NCALD: variants seen among roughly 807,000 people sequenced by gnomAD.
NCALD encodes neurocalcin delta, also known as neurocalcin-delta.
In NCALD, 10 loss-of-function variants were observed where a neutral mutation model predicts 18.6. That is an observed-to-expected ratio of 0.54 (90% CI 0.33 to 0.91). The LOEUF is 0.91. Among genes scored for constraint, NCALD ranks in the 40% least tolerant of loss-of-function variants. The pLI, the probability that NCALD is intolerant of heterozygous loss-of-function variation, is 0.03. For missense variants in NCALD, 184 were observed against 247.6 expected (o/e 0.74, Z 1.72); for synonymous variants, 88 against 87.4 (o/e 1.01, Z -0.04).
chr8:101,998,905 G>A (rs1046201309), intron 2 of NCALD, among the ~76,000 whole-genome samples: 2 of 152,050 alleles, frequency 1.3e-5, no homozygotes, highest in South Asian at 4.2e-4. Flanking sequence ...TGAAAAATAT[G>A]CATGAGTAAA....
intron 4 of NCALD, among the ~76,000 whole-genome samples, chr8:101,830,126 C>T (rs914585129): frequency 6.6e-6 from 1 of 151,966 alleles, no homozygotes; most frequent in Non-Finnish European, 1.5e-5. Flanking sequence ...TTTGTCTTTC[C>T]GTTTGGATGT....
At chr8:101,895,384 A>C (rs1345938226) in intron 3 of NCALD, among the ~76,000 whole-genome samples, 6,976 of 145,172 alleles carry the variant, frequency 0.048, 332 homozygotes, top group African/African-American at 0.13. Context: ...AGAGCTATCT[A>C]TGACAAACCC....
chr8:102,064,583 T>G (rs1823944917), intron 1 of NCALD, among the ~76,000 whole-genome samples: 1 of 152,236 alleles, frequency 6.6e-6, no homozygotes, highest in African/African-American at 2.4e-5. Flanking sequence ...CTTCTACTTC[T>G]ACAAGTGATG....
At chr8:101,941,392 C>T (rs888062701) in intron 2 of NCALD, among the ~76,000 whole-genome samples, 1 of 152,240 alleles carries the variant, frequency 6.6e-6, no homozygotes. Flanking sequence ...AGGCAGAGCT[C>T]AGGTGGTAAT....
intron 1 of NCALD, among the ~76,000 whole-genome samples, chr8:102,055,434 A>G (rs146085165): frequency 1.7e-4 from 26 of 152,302 alleles, no homozygotes; most frequent in African/African-American, 6.3e-4. Flanking sequence ...CCCCTAGAAC[A>G]GTGTCTTCAT....
chr8:101,911,412 C>T (rs1489603134), intron 3 of NCALD, among the ~76,000 whole-genome samples: 6 of 147,724 alleles, frequency 4.1e-5, no homozygotes, highest in Non-Finnish European at 8.9e-5. Context: ...GGTTGGAGTG[C>T]AATGGCGCGA....
At chr8:101,762,576 T>C (rs571795500) in intron 1 of NCALD, among the ~76,000 whole-genome samples, 4 of 151,416 alleles carry the variant, frequency 2.6e-5, no homozygotes, top group African/African-American at 9.7e-5. Flanking sequence ...GACACTGCTA[T>C]CTGGACAAAG....
chr8:101,758,350 G>T (rs140281010), intron 1 of NCALD, among the ~76,000 whole-genome samples: 99 of 152,232 alleles, frequency 6.5e-4, no homozygotes, highest in African/African-American at 1.9e-3. Flanking sequence ...AGTCTCCACT[G>T]TTCCTACTCA....
intron 1 of NCALD, among the ~76,000 whole-genome samples, chr8:101,782,325 A>T (rs1812051497): frequency 6.6e-6 from 1 of 152,116 alleles, no homozygotes; most frequent in Non-Finnish European, 1.5e-5. Context: ...GGAGGGCAAA[A>T]GATAATTCAC....
At chr8:101,919,512 A>G (rs1818088703) in intron 2 of NCALD, among the ~76,000 whole-genome samples, 1 of 152,150 alleles carries the variant, frequency 6.6e-6, no homozygotes, top group South Asian at 2.1e-4. Context: ...ATTGCAACAA[A>G]AACAAAAACT....
At chr8:101,978,882 G>A (rs1229109659) in intron 2 of NCALD, among the ~76,000 whole-genome samples, 1 of 152,232 alleles carries the variant, frequency 6.6e-6, no homozygotes, top group Non-Finnish European at 1.5e-5. Flanking sequence ...AAAAATCAGT[G>A]TTGGGTAAAA....
chr8:101,943,530 A>G (rs1388008074), intron 2 of NCALD, among the ~76,000 whole-genome samples: 2 of 152,196 alleles, frequency 1.3e-5, no homozygotes, highest in African/African-American at 4.8e-5. Flanking sequence ...CCTGAACACA[A>G]TATCTGGGGG....
chr8:101,738,804 T>A (rs1447803267), intron 1 of NCALD, among the ~76,000 whole-genome samples: 1 of 151,852 alleles, frequency 6.6e-6, no homozygotes, highest in Non-Finnish European at 1.5e-5. Context: ...TGCATCGGGG[T>A]TTTTGTGTGG....
chr8:101,863,803 A>G (rs1354470612), intron 4 of NCALD, among the ~76,000 whole-genome samples: 1 of 152,196 alleles, frequency 6.6e-6, no homozygotes, highest in Non-Finnish European at 1.5e-5. Flanking sequence ...TTTGACAAAG[A>G]TCTGGATGAA....
intron 3 of NCALD, among the ~76,000 whole-genome samples, chr8:101,891,274 T>C (rs1816868045): frequency 6.6e-6 from 1 of 152,194 alleles, no homozygotes; most frequent in Non-Finnish European, 1.5e-5. Flanking sequence ...ACTCACCCCT[T>C]GTGCCCCCAT....
intron 1 of NCALD, among the ~76,000 whole-genome samples, chr8:101,748,687 C>T (rs925212193): frequency 6.6e-6 from 1 of 152,128 alleles, no homozygotes; most frequent in Non-Finnish European, 1.5e-5. Flanking sequence ...CCTTATTTTA[C>T]AGATGAAGGA....
At position 102,056,666 on chromosome 8, in the gene NCALD, TC is replaced by T. The variant is rs1490662959; in HGVS notation, c.-209-36378del. ...ACAAGGAGCTATCACCCCTTCACCCTCCCTCACTGTCTGACCAAAGACTTGT... is the reference window on the plus strand; with the variant it reads ...ACAAGGAGCTATCACCCCTTCACCCTCCTCACTGTCTGACCAAAGACTTGT... On this transcript the variant is annotated intron_variant, in intron 1 of 6. Transcript: ENST00000311028. Among the ~76,000 whole-genome samples, 5 of 152,308 alleles carry T rather than the reference TC, an allele frequency of 3.3e-5. No individual in the cohort carries two copies. In the East Asian group the frequency reaches 7.7e-4, roughly 24 times the overall value.
At chr8:101,796,643 G>A (rs1404250580) in intron 4 of NCALD, among the ~76,000 whole-genome samples, 2 of 152,064 alleles carry the variant, frequency 1.3e-5, no homozygotes, top group African/African-American at 2.4e-5. Context: ...AGCATGATAA[G>A]AAGAATAGAA....
intron 4 of NCALD, among the ~76,000 whole-genome samples, chr8:101,827,633 C>A (rs1200521422): frequency 2.6e-5 from 4 of 152,180 alleles, no homozygotes; most frequent in Admixed American, 2.6e-4. Flanking sequence ...AAAGGCATGT[C>A]CTGGAATTGT....
Sources: gnomAD v4.1 joint callset for allele counts (sites outside exome capture counted in the v4.1 genomes callset) on GRCh38, gnomAD v4.1.1 for gene constraint, MANE v1.5 for transcripts, NCBI Gene and HGNC (gene_info 2026-07-23, HGNC 2026-07-21) for gene names.